ARHGAP33: variants seen among roughly 807,000 people sequenced by gnomAD.
The protein encoded by ARHGAP33 is rho GTPase-activating protein 33.
Under a neutral mutation model 126.2 loss-of-function variants are expected in ARHGAP33, and 57 were observed. That is an observed-to-expected ratio of 0.45 (90% CI 0.36 to 0.56). The LOEUF is 0.56. ARHGAP33 is among the 20% of genes least tolerant of loss of function. The pLI, the probability that ARHGAP33 is intolerant of heterozygous loss-of-function variation, is 0.00. For missense variants in ARHGAP33, 1,500 were observed against 1,748.3 expected, an observed-to-expected ratio of 0.86 and a Z score of 2.53; for synonymous variants, 711 against 755.0, an observed-to-expected ratio of 0.94 and a Z score of 0.95.
chr19:35,783,042 C>A, intron 15 of ARHGAP33, 173 bp downstream of exon 15: 1 of 605,756 alleles, frequency 1.7e-6, no homozygotes, highest in Non-Finnish European at 2.9e-6. Flanking sequence ...CCCTGTCCTC[C>A]TGGGACTCAT....
At chr19:35,785,917 C>T in intron 19 of ARHGAP33, 2 of 1,067,226 alleles carry the variant, frequency 1.9e-6, no homozygotes, top group Non-Finnish European at 2.3e-6. Context: ...TCAGTTCTAG[C>T]CATTTTGGAA....
In ARHGAP33 at chr19:35,780,846, C is replaced by T. The variant is rs199888840; in HGVS notation, c.829+30C>T. On this transcript the variant is annotated intron_variant, in intron 10 of 20. Coordinates refer to ENST00000007510, the MANE Select transcript of ARHGAP33 (RefSeq NM_001366178.1). ...TAGAAATAGGCGGTCAGGTCCCAGC[C>T]CCTACCCCACCAGGCCCCTGGCCAT... is the stretch of plus-strand genomic sequence containing the variant. 8.1e-4 allele frequency: 1,302 copies of T among 1,613,604 alleles called. 2 individuals carry two copies. The Middle Eastern group carries it at 0.014, about 17-fold the overall frequency.
At chr19:35,781,339 T>G (rs1159024274) in intron 12 of ARHGAP33, 87 bp downstream of exon 12, 2 of 1,348,898 alleles carry the variant, frequency 1.5e-6, no homozygotes, top group African/African-American at 2.9e-5. Flanking sequence ...GGGGACACAG[T>G]TACCAGGAGT....
chr19:35,778,405 G>C, intron 4 of ARHGAP33, 45 bp downstream of exon 4: 1 of 1,614,172 alleles, frequency 6.2e-7, no homozygotes, highest in Non-Finnish European at 8.5e-7. Context: ...AATGGCCACT[G>C]TAGTCCTCAG....
chr19:35,788,420 CT>C lies in ARHGAP33; in HGVS notation c.3856del (p.Tyr1286ThrfsTer43), dbSNP rs1972244279. 1 of 1,564,046 alleles carries C rather than the reference CT, an allele frequency of 6.4e-7. No individual in the cohort carries two copies. Among genetic ancestry groups the C allele is most frequent in the South Asian group, 1.2e-5 (1 of 85,762 alleles). ...SLHSEGQTRSYC is the reference protein window; with the variant it reads ...SLHSEGQTRSXC ...TCCACTCTGAGGGCCAGACCCGAAG[CT>C]ACTGCTGAGCACCAGCTGGGAGGGG... is the stretch of plus-strand genomic sequence containing the variant. On this transcript the variant is annotated frameshift_variant, in exon 21 of 21. Coordinates refer to ENST00000007510, the MANE Select transcript of ARHGAP33 (RefSeq NM_001366178.1). LOFTEE classifies it high-confidence loss of function.
chr19:35,782,054 C>T lies in ARHGAP33; in HGVS notation c.1086-319C>T, dbSNP rs1046471613. 1.3e-5 allele frequency among the ~76,000 whole-genome samples: 2 copies of T among 152,156 alleles called. No individual in the cohort carries two copies. Among genetic ancestry groups the T allele is most frequent in the African/African-American group, 4.8e-5 (2 of 41,432 alleles). On this transcript the variant is annotated intron_variant, in intron 12 of 20. Coordinates refer to ENST00000007510, the MANE Select transcript of ARHGAP33 (RefSeq NM_001366178.1). This position sits in a 1 kb window ranked among gnomAD's most constrained non-coding sequence, Gnocchi z 4.1. The stretch of plus-strand genomic sequence containing the variant: ...GATTTTGTCCACATTTTCCAGTGCC[C>T]TCTTACAGCCAGGAGAATGGCAGCT...
chr19:35,776,717 C>T (rs1452495384), intron 1 of ARHGAP33, among the ~76,000 whole-genome samples: 2 of 152,226 alleles, frequency 1.3e-5, no homozygotes, highest in Non-Finnish European at 2.9e-5. Context: ...GGCCCTCCTT[C>T]TGGGAGGCCG....
intron 1 of ARHGAP33, 129 bp downstream of exon 1, chr19:35,775,793 C>T: frequency 1.1e-6 from 1 of 932,128 alleles, no homozygotes; most frequent in Non-Finnish European, 1.5e-6. Flanking sequence ...TGGTCCCTCC[C>T]GTCCTGCGGC....
chr19:35,785,738 AAAT>A, intron 19 of ARHGAP33: 1 of 1,337,648 alleles, frequency 7.5e-7, no homozygotes, highest in Non-Finnish European at 9.6e-7. Flanking sequence ...GAACATTTTA[AAAT>A]AATATCATGG....
At position 35,787,387 on chromosome 19, in the gene ARHGAP33, G is replaced by C. The variant is rs1180676742; in HGVS notation, c.2822G>C (p.Gly941Ala). 10 of 1,609,260 alleles carry C rather than the reference G, an allele frequency of 6.2e-6. No homozygotes were observed. Among genetic ancestry groups the C allele is most frequent in the Non-Finnish European group, 8.5e-6 (10 of 1,177,512 alleles). Reference protein sequence around the residue: ...FHRSLSLEVGGEPLGTSGSGP... With the variant: ...FHRSLSLEVGAEPLGTSGSGP... Reference sequence around the variant, plus strand: ...CGCTCGCTGTCTCTGGAGGTGGGCGGGGAGCCCCTGGGGACCTCAGGGAGT... The same window carrying C: ...CGCTCGCTGTCTCTGGAGGTGGGCGCGGAGCCCCTGGGGACCTCAGGGAGT... Residue 941 changes from glycine (G) to alanine (A), a missense_variant, in exon 21 of 21, where the codon GGG (glycine) becomes GCG (alanine). By Grantham distance (60) the Gly-to-Ala change is moderately conservative. Around this residue, in one of 6 missense-constraint regions of ARHGAP33, gnomAD observed 642 missense variants for 634.0 expected, o/e 1.01. Coordinates refer to ENST00000007510, the MANE Select transcript of ARHGAP33 (RefSeq NM_001366178.1).
chr19:35,784,227 C>T lies in ARHGAP33; in HGVS notation c.1477C>T (p.Arg493Trp), dbSNP rs143998454. ...MGGAAAFREV[R>W]VQSVVVEFLL... ...TGGCGCGGCGGCGTTCCGGGAAGTT[C>T]GGGTGCAGTCGGTGGTGGTGGAGTT... Residue 493 changes from arginine (R) to tryptophan (W), a missense_variant, in exon 16 of 21, where the codon CGG becomes TGG. Transcript: ENST00000007510. The T allele has an allele frequency of 3.7e-5, 60 of 1,612,050 alleles. No homozygotes were observed. The highest frequency in any genetic ancestry group is 4.8e-5 in the Non-Finnish European group (56 of 1,178,948).
Position 35,778,504 on chromosome 19 carries a change from G to T in ARHGAP33, c.311G>T (p.Arg104Leu). The T allele has an allele frequency of 6.2e-7, 1 of 1,614,122 alleles. No individual in the cohort carries two copies. The highest frequency in any genetic ancestry group is 2.2e-5 in the East Asian group (1 of 44,876). ...WPVLRSYDDFRSLDAHLHRCI... is the reference protein window; with the variant it reads ...WPVLRSYDDFLSLDAHLHRCI... ...GTTCTCCGGAGTTACGATGACTTTCGTTCCCTGGATGCCCACCTCCACCGG... is the reference window on the plus strand; with the variant it reads ...GTTCTCCGGAGTTACGATGACTTTCTTTCCCTGGATGCCCACCTCCACCGG... The change falls in exon 5 of 21, where the codon CGT (arginine) becomes CTT (leucine). Residue 104 changes from arginine to leucine, a missense_variant. Physicochemically the swap from Arg to Leu is moderately radical, Grantham distance 102. Coordinates refer to ENST00000007510, the MANE Select transcript of ARHGAP33 (RefSeq NM_001366178.1).
Position 35,785,005 on chromosome 19 carries a change from C to T in ARHGAP33, c.1620C>T (p.Thr540=). 6.5e-7 allele frequency: 1 copy of T among 1,548,372 alleles called. No homozygotes were observed. The highest frequency in any genetic ancestry group is 8.7e-7 in the Non-Finnish European group (1 of 1,147,042). The change falls in exon 17 of 21, where the codon ACC becomes ACT. Residue 540 remains threonine (T), a synonymous_variant. Coordinates refer to ENST00000007510, the MANE Select transcript of ARHGAP33 (RefSeq NM_001366178.1). ...PKSLAGSCPS[T]RLLTLEEAQA... ...CCCTTGCGGGCAGCTGCCCCTCCAC[C>T]CGCCTGCTGACGCTGGAGGAAGCCC... is the stretch of plus-strand genomic sequence containing the variant.
At chr19:35,780,376 C>T (rs1448608033) in intron 7 of ARHGAP33, 43 bp downstream of exon 7, 3 of 1,610,962 alleles carry the variant, frequency 1.9e-6, no homozygotes, top group East Asian at 2.2e-5. Flanking sequence ...CTCCCCACAC[C>T]CCCTGCTCCT....
Position 35,788,221 on chromosome 19 carries a change from C to T in ARHGAP33, c.3656C>T (p.Pro1219Leu). 6.2e-7 allele frequency: 1 copy of T among 1,609,488 alleles called. No individual in the cohort carries two copies. The highest frequency in any genetic ancestry group is 8.5e-7 in the Non-Finnish European group (1 of 1,178,696). ...KQRAPWGPRTPHRVPGPWGPP... is the reference protein window; with the variant it reads ...KQRAPWGPRTLHRVPGPWGPP... ...CGGGCACCCTGGGGACCCCGTACCC[C>T]TCATAGGGTGCCGGGTCCCTGGGGC... Residue 1219 changes from proline (P) to leucine (L), a missense_variant, in exon 21 of 21, where the codon CCT (proline) becomes CTT (leucine). Physicochemically the swap from Pro to Leu is moderately conservative, Grantham distance 98. Transcript: ENST00000007510.
chr19:35,777,473 A>C (rs1870159728), intron 1 of ARHGAP33, 172 bp from the exon 2 acceptor site: 1 of 623,624 alleles, frequency 1.6e-6, no homozygotes, highest in South Asian at 1.9e-5. Context: ...ACACACGAAG[A>C]AGCAGTCCTG....
In ARHGAP33 at chr19:35,788,012, C is replaced by T; in HGVS notation, c.3447C>T (p.His1149=). 6.2e-7 allele frequency: 1 copy of T among 1,604,848 alleles called. No individual in the cohort carries two copies. The highest frequency in any genetic ancestry group is 8.5e-7 in the Non-Finnish European group (1 of 1,175,122). Residue 1149 remains histidine, a synonymous_variant, in exon 21 of 21, where the codon CAC becomes CAT. Coordinates refer to ENST00000007510, the MANE Select transcript of ARHGAP33 (RefSeq NM_001366178.1). Reference sequence around the variant, plus strand: ...CCCCCTCCTGCTTTCCCCCTGACCACCTTGGCTACTCAGCCCCCCAGCACC... The same window carrying T: ...CCCCCTCCTGCTTTCCCCCTGACCATCTTGGCTACTCAGCCCCCCAGCACC... ...PPAPSCFPPD[H]LGYSAPQHPA...
rs766742660 is a variant in ARHGAP33, at chr19:35,781,029, T to C, written c.939T>C (p.Phe313=). Residue 313 remains phenylalanine (F), a synonymous_variant, in exon 11 of 21, where the codon TTT becomes TTC. Coordinates refer to ENST00000007510, the MANE Select transcript of ARHGAP33 (RefSeq NM_001366178.1). ...RQRGILRQRV[F]GCDLGEHLSN... ...GGGGAATCCTGCGACAGAGGGTGTT[T>C]GGCTGCGATCTTGGCGAGCACCTCA... The C allele has an allele frequency of 6.2e-7, 1 of 1,612,404 alleles. No homozygotes were observed. The highest frequency in any genetic ancestry group is 1.1e-5 in the South Asian group (1 of 91,080).
At chr19:35,777,538 C>T (rs901400109) in intron 1 of ARHGAP33, 107 bp from the exon 2 acceptor site, 22 of 843,714 alleles carry the variant, frequency 2.6e-5, no homozygotes, top group Admixed American at 1.0e-4. Flanking sequence ...ATGCTCAGGG[C>T]GGTGTGTGGA....
Sources: allele counts gnomAD v4.1 joint callset (sites outside exome capture counted in the v4.1 genomes callset), GRCh38; gene constraint gnomAD v4.1.1; regional missense constraint gnomAD v4.1.1; non-coding constraint Gnocchi (gnomAD v3.1); transcripts MANE v1.5; gene names NCBI Gene and HGNC (gene_info 2026-07-23, HGNC 2026-07-21).